USP32: variants seen among roughly 807,000 people sequenced by gnomAD.
USP32 encodes the protein ubiquitin carboxyl-terminal hydrolase 32.
A neutral mutation model predicts 204.8 loss-of-function variants in USP32; 59 were observed. The observed-to-expected ratio is 0.29, with a 90% CI of 0.23 to 0.36. The LOEUF (loss-of-function observed/expected upper bound fraction) is 0.36, where lower values mean the gene tolerates loss of function less well. Among genes scored for constraint, USP32 ranks in the 10% least tolerant of loss-of-function variants. The pLI, the probability that USP32 is intolerant of heterozygous loss-of-function variation, is 1.00. For missense variants in USP32, 1,160 were observed against 1,946.4 expected, an observed-to-expected ratio of 0.60 and a Z score of 7.60; for synonymous variants, 517 against 678.4, an observed-to-expected ratio of 0.76 and a Z score of 3.70.
rs547041847 is a variant in USP32 at position 60,271,239 on chromosome 17, C to T, written c.703+111G>A. ...GTTTTTCCCCACTCCATTAAACCTG[C>T]AAACATATGAGAAGATGGTTTCTTA... On this transcript the variant is annotated intron_variant, in intron 6 of 33. Coordinates refer to ENST00000300896, the MANE Select transcript of USP32 (RefSeq NM_032582.4). 5 of 1,384,920 alleles carry T rather than the reference C, an allele frequency of 3.6e-6. No individual in the cohort carries two copies. In the East Asian group the frequency reaches 1.2e-4, roughly 33 times the overall value. The allele number at this position is 1,384,920 out of a possible 1,614,324, so 85.8% of individuals were successfully genotyped here. A position where few individuals can be genotyped will look rare whatever the true frequency, so the allele number is the denominator to read the frequency against.
intron 1 of USP32, among the ~76,000 whole-genome samples, chr17:60,418,808 A>C (rs2090083091): frequency 6.6e-6 from 1 of 152,240 alleles, no homozygotes; most frequent in South Asian, 2.1e-4. Context: ...TCAAAACCAC[A>C]GTGAGATACC....
Position 60,301,568 on chromosome 17 carries a change from G to T in USP32, c.292+31C>A. On this transcript the variant is annotated intron_variant, in intron 3 of 33. Transcript: ENST00000300896. ...GAGATAAATTATTCTGTACATAGAC[G>T]AATTATTTTTGAGATAATAAAAGTA... 3 of 1,376,204 alleles carry T rather than the reference G, an allele frequency of 2.2e-6. No individual in the cohort carries two copies. In the South Asian group the frequency reaches 3.9e-5, roughly 18 times the overall value. The allele number at this position is 1,376,204 out of a possible 1,614,324, so 85.2% of individuals were successfully genotyped here. A position where few individuals can be genotyped will look rare whatever the true frequency, so the allele number is the denominator to read the frequency against.
At chr17:60,345,691 A>G (rs1333374922) in intron 1 of USP32, 83 bp from the exon 2 acceptor site, 13 of 1,584,354 alleles carry the variant, frequency 8.2e-6, no homozygotes, top group South Asian at 2.2e-5. Context: ...GGCTCCTAAG[A>G]AAAATTGAGG....
chr17:60,223,865 G>A (rs558260372), intron 13 of USP32, among the ~76,000 whole-genome samples: 70 of 152,266 alleles, frequency 4.6e-4, no homozygotes, highest in South Asian at 1.0e-3. Context: ...TATGTCCTCC[G>A]ACTGGAAGGG....
At chr17:60,314,752 T>C (rs769726271) in intron 2 of USP32, among the ~76,000 whole-genome samples, 10 of 152,166 alleles carry the variant, frequency 6.6e-5, no homozygotes, top group African/African-American at 1.2e-4. Context: ...GAAACTCATA[T>C]GTAAGATAAA....
chr17:60,270,338 A>T (rs1405221819), intron 6 of USP32, among the ~76,000 whole-genome samples: 2 of 152,186 alleles, frequency 1.3e-5, no homozygotes, highest in African/African-American at 4.8e-5. Context: ...AAGAATACAG[A>T]TAGTATATTC....
chr17:60,251,944 AAT>A (rs1442205399), intron 11 of USP32, among the ~76,000 whole-genome samples: 4 of 152,042 alleles, frequency 2.6e-5, no homozygotes, highest in Non-Finnish European at 5.9e-5. Flanking sequence ...GGTATTTCAG[AAT>A]ATTCCCATTT....
At chr17:60,260,078 C>T (rs1317932106) in intron 9 of USP32, among the ~76,000 whole-genome samples, 1 of 152,146 alleles carries the variant, frequency 6.6e-6, no homozygotes, top group Non-Finnish European at 1.5e-5. Flanking sequence ...AACTGTAATA[C>T]ATTATGAACA....
At chr17:60,295,824 G>A (rs929290918) in intron 3 of USP32, among the ~76,000 whole-genome samples, 6 of 152,116 alleles carry the variant, frequency 3.9e-5, no homozygotes, top group African/African-American at 1.2e-4. Context: ...AGATACATAT[G>A]TATAGGAAGA....
At chr17:60,326,610 T>C (rs1036403767) in intron 2 of USP32, among the ~76,000 whole-genome samples, 2 of 152,230 alleles carry the variant, frequency 1.3e-5, no homozygotes, top group African/African-American at 4.8e-5. Flanking sequence ...TGGTTTATTT[T>C]CTCATTCTAC....
intron 25 of USP32, among the ~76,000 whole-genome samples, chr17:60,206,195 T>C (rs1371356204): frequency 6.8e-6 from 1 of 146,784 alleles, no homozygotes; most frequent in Non-Finnish European, 1.5e-5. Context: ...TACACGTTTG[T>C]AGTCCCAGCT....
At position 60,384,520 on chromosome 17, in the gene USP32, G is replaced by A. The variant is rs147139044; in HGVS notation, c.58+7362C>T. Reference sequence around the variant, plus strand: ...ATGAGCGCCGCCCTAGGCCAGGCACGGTGGCTCATGCTTGTAATCCCAGCA... The same window carrying A: ...ATGAGCGCCGCCCTAGGCCAGGCACAGTGGCTCATGCTTGTAATCCCAGCA... On this transcript the variant is annotated intron_variant, in intron 1 of 33. Transcript: ENST00000300896. Among the ~76,000 whole-genome samples, 97 of 152,296 alleles carry A rather than the reference G, an allele frequency of 6.4e-4. 1 individual carries two copies. In the East Asian group the frequency reaches 0.017, roughly 27 times the overall value.
intron 24 of USP32, 133 bp from the exon 25 acceptor site, chr17:60,207,265 T>C (rs2084853866): frequency 7.2e-7 from 1 of 1,380,040 alleles, no homozygotes; most frequent in East Asian, 2.7e-5. Flanking sequence ...TGAATAATTT[T>C]TCAACTACAT....
chr17:60,368,263 A>C (rs12952513), intron 1 of USP32, among the ~76,000 whole-genome samples: 127 of 152,344 alleles, frequency 8.3e-4, no homozygotes, highest in Non-Finnish European at 1.3e-3. Context: ...ACAGCACTGG[A>C]TAGTATAATG....
At chr17:60,184,294 G>A (rs1363409957) in intron 30 of USP32, among the ~76,000 whole-genome samples, 3 of 143,372 alleles carry the variant, frequency 2.1e-5, no homozygotes, top group Non-Finnish European at 4.5e-5. Context: ...CAGCCTGGGC[G>A]ACAGAGTGAG....
chr17:60,185,903 G>T (rs1448288670), intron 29 of USP32: 1 of 369,118 alleles, frequency 2.7e-6, no homozygotes, highest in Admixed American at 3.8e-5. Context: ...CTCTGTAAAA[G>T]AAAAATCTAA....
chr17:60,269,274 A>G (rs988640928), intron 7 of USP32, among the ~76,000 whole-genome samples, 176 bp downstream of exon 7: 4 of 152,248 alleles, frequency 2.6e-5, no homozygotes, highest in Non-Finnish European at 5.9e-5. Context: ...GTAAAAAAGA[A>G]GAGGTGATTG....
upstream of USP32, among the ~76,000 whole-genome samples, chr17:60,396,328 T>C (rs142840528): frequency 9.3e-4 from 142 of 152,178 alleles, 1 homozygote; most frequent in African/African-American, 3.2e-3. Context: ...CCGCCTGCCT[T>C]AGTCTCCCAA....
In USP32 at chr17:60,213,673, A is replaced by T. The variant is rs907246139; in HGVS notation, c.2023-11T>A. The T allele has an allele frequency of 8.6e-6, 9 of 1,051,358 alleles. No individual in the cohort carries two copies. The highest frequency in any genetic ancestry group is 1.2e-5 in the Non-Finnish European group (9 of 735,588). 65.1% of individuals were successfully genotyped at this position (1,051,358 alleles called of 1,614,324 possible). ...AAGAGTAAGGTAGTTCTGTGTAAGG[A>T]GGAGGAAATGTTTTTGTTATTTGGT... On this transcript the variant is annotated splice_polypyrimidine_tract_variant and intron_variant, in intron 17 of 33. Coordinates refer to ENST00000300896, the MANE Select transcript of USP32 (RefSeq NM_032582.4).
Sources: gnomAD v4.1 joint callset for allele counts (sites outside exome capture counted in the v4.1 genomes callset) on GRCh38, gnomAD v4.1.1 for gene constraint, MANE v1.5 for transcripts, NCBI Gene and HGNC (gene_info 2026-07-23, HGNC 2026-07-21) for gene names.